Variants in METTL8 observed in about 807,000 individuals in gnomAD.
The protein encoded by METTL8 is methyltransferase 8, tRNA N3-cytidine, also known as tRNA N(3)-cytidine methyltransferase METTL8, mitochondrial.
A neutral mutation model predicts 48.7 loss-of-function variants in METTL8; 32 were observed. The observed-to-expected ratio is 0.66, with a 90% CI of 0.50 to 0.88. The LOEUF (loss-of-function observed/expected upper bound fraction) is 0.88. METTL8 is among the 40% of genes least tolerant of loss of function. METTL8 has a pLI of 0.00. For missense variants in METTL8, 464 were observed against 474.4 expected, an observed-to-expected ratio of 0.98 and a Z score of 0.20; for synonymous variants, 136 against 157.1, an observed-to-expected ratio of 0.87 and a Z score of 1.01.
At chr2:171,387,350 A>T (rs1049803419) in intron 2 of METTL8, among the ~76,000 whole-genome samples, 1 of 151,924 alleles carries the variant, frequency 6.6e-6, no homozygotes, top group Non-Finnish European at 1.5e-5. Flanking sequence ...CCACACCCCC[A>T]TCGCACATCC....
chr2:171,369,859 A>C (rs561813598), intron 2 of METTL8, among the ~76,000 whole-genome samples: 3 of 152,290 alleles, frequency 2.0e-5, no homozygotes, highest in East Asian at 1.9e-4. Context: ...TGAGGTCAGG[A>C]GTTCAAGACC....
rs139450512 is a variant in METTL8 at position 171,360,528 on chromosome 2, T to C, written c.144-15A>G. 7 of 1,599,032 alleles carry C rather than the reference T, an allele frequency of 4.4e-6. No individual in the cohort carries two copies. The African/African-American group carries it at 6.7e-5, about 15-fold the overall frequency. The stretch of plus-strand genomic sequence containing the variant: ...GCATGTGATCCCTATTAAAAAAAAA[T>C]AGACTGTAAAATATGCTTTATCATT... On this transcript the variant is annotated splice_polypyrimidine_tract_variant and intron_variant, in intron 2 of 9. Coordinates refer to ENST00000375258, the MANE Select transcript of METTL8 (RefSeq NM_001321154.2).
Position 171,378,460 on chromosome 2 carries a change from C to T in METTL8, c.143+13583G>A, listed in dbSNP as rs565571665. Among the ~76,000 whole-genome samples the T allele has an allele frequency of 7.9e-5, 12 of 152,020 alleles. No homozygotes were observed. The East Asian group carries it at 2.3e-3, about 29-fold the overall frequency. On this transcript the variant is annotated intron_variant, in intron 2 of 9. Transcript: ENST00000375258. ...CAGCCTGGCCAACATAGTGAAACCC[C>T]ATCTCTACTAAAAATACAAAAATTA...
At chr2:171,406,886 G>A (rs1459102672) in intron 1 of METTL8, among the ~76,000 whole-genome samples, 2 of 150,486 alleles carry the variant, frequency 1.3e-5, no homozygotes, top group African/African-American at 2.4e-5. Context: ...TTCAGTTATC[G>A]AGCCAATACA....
At chr2:171,431,965 C>G (rs767740361) in intron 1 of METTL8, among the ~76,000 whole-genome samples, 2 of 152,230 alleles carry the variant, frequency 1.3e-5, no homozygotes, top group Non-Finnish European at 2.9e-5. Context: ...GGTCCAGCCG[C>G]AAGCGGTGCA....
At chr2:171,381,793 T>C (rs1013933349) in intron 2 of METTL8, among the ~76,000 whole-genome samples, 17 of 150,306 alleles carry the variant, frequency 1.1e-4, no homozygotes, top group African/African-American at 4.2e-4. Flanking sequence ...TTTTTTTTTT[T>C]TTTTTTTGAC....
intron 1 of METTL8, among the ~76,000 whole-genome samples, chr2:171,395,495 C>T (rs985591050): frequency 6.6e-6 from 1 of 151,802 alleles, no homozygotes; most frequent in Non-Finnish European, 1.5e-5. Context: ...AATAGATTAA[C>T]GTAAAAAAAG....
intron 2 of METTL8, among the ~76,000 whole-genome samples, chr2:171,386,696 T>C (rs1688085270): frequency 1.3e-5 from 2 of 152,062 alleles, no homozygotes; most frequent in African/African-American, 4.8e-5. Flanking sequence ...AAGCGCTACT[T>C]AGAGGAGGAC....
chr2:171,381,198 G>A (rs185988485), intron 2 of METTL8, among the ~76,000 whole-genome samples: 7 of 152,290 alleles, frequency 4.6e-5, no homozygotes, highest in African/African-American at 1.7e-4. Context: ...AAACTGGCTA[G>A]CCATATGCAG....
chr2:171,337,068 T>C (rs1386289062), intron 5 of METTL8, among the ~76,000 whole-genome samples: 1 of 151,940 alleles, frequency 6.6e-6, no homozygotes, highest in Non-Finnish European at 1.5e-5. Flanking sequence ...TGTTTCACCA[T>C]GTTGGTCAGG....
upstream of METTL8, chr2:171,434,027 C>T (rs1013351753): frequency 7.2e-6 from 2 of 279,028 alleles, no homozygotes; most frequent in Admixed American, 5.0e-5. Flanking sequence ...AAGTGCAGGG[C>T]GCACACACGG....
At chr2:171,419,614 G>A (rs188202582) in intron 1 of METTL8, among the ~76,000 whole-genome samples, 4 of 152,168 alleles carry the variant, frequency 2.6e-5, no homozygotes, top group Admixed American at 1.3e-4. Flanking sequence ...TTAGTCTTAC[G>A]GTCTCATTTC....
intron 7 of METTL8, among the ~76,000 whole-genome samples, chr2:171,328,702 A>AT (rs1425868338): frequency 6.6e-6 from 1 of 151,902 alleles, no homozygotes. Flanking sequence ...TCATTTATTT[A>AT]TTTTTTTGAG....
Position 171,324,200 on chromosome 2 carries a change from A to C in METTL8, c.1196T>G (p.Met399Arg), listed in dbSNP as rs1224536791. The change falls in exon 10 of 10, where the codon ATG becomes AGG. Residue 399 changes from methionine to arginine, a missense_variant. By Grantham distance (91) the Met-to-Arg change is moderately conservative. Transcript: ENST00000375258. The part of the protein sequence containing the change: ...PLHQTQNSSN[M>R]VSTLLSQD ...GTCTTGTGAAAGGAGTGTAGATACC[A>C]TATTGGAGCTATTCTGAGTCTGGTG... 2 of 1,549,432 alleles carry C rather than the reference A, an allele frequency of 1.3e-6. No homozygotes were observed. The highest frequency in any genetic ancestry group is 1.7e-6 in the Non-Finnish European group (2 of 1,146,612).
rs2160699 is a variant in METTL8, at chr2:171,317,640, A to G, written c.*6532T>C. ...TTAACGTGTATTTATTCATTCAGCT[A>G]ACTCTAGCTGTTCCTTACTTAAGGT... On this transcript the variant is annotated 3_prime_UTR_variant, in exon 10 of 10. Transcript: ENST00000375258. 0.78 allele frequency: 118,340 copies of G among 151,688 alleles called. 46,333 individuals are homozygous for G. Among genetic ancestry groups the G allele is most frequent in the East Asian group, 1 (5,162 of 5,170 alleles). 9.4% of individuals were successfully genotyped at this position (151,688 alleles called of 1,614,324 possible).
chr2:171,354,846 A>G (rs1382840983), intron 3 of METTL8, among the ~76,000 whole-genome samples: 2 of 149,468 alleles, frequency 1.3e-5, no homozygotes, highest in Non-Finnish European at 3.0e-5. Flanking sequence ...TGTTTATTCT[A>G]GTTAGCCATT....
chr2:171,378,350 A>G (rs1427205694), intron 2 of METTL8, among the ~76,000 whole-genome samples: 1 of 152,188 alleles, frequency 6.6e-6, no homozygotes, highest in East Asian at 1.9e-4. Context: ...AGGGCATTAC[A>G]TGGCTGGATG....
At chr2:171,329,545 T>G (rs138337711) in intron 7 of METTL8, among the ~76,000 whole-genome samples, 4 of 152,348 alleles carry the variant, frequency 2.6e-5, no homozygotes, top group Non-Finnish European at 5.9e-5. Context: ...AGAAATAGGT[T>G]ATAGAAACTG....
chr2:171,398,228 G>A (rs919434697), intron 1 of METTL8, among the ~76,000 whole-genome samples: 2 of 152,082 alleles, frequency 1.3e-5, no homozygotes, highest in African/African-American at 4.8e-5. Flanking sequence ...ATAGACAAAA[G>A]GTAGAAGCAA....
Sources: gnomAD v4.1 joint callset for allele counts (sites outside exome capture counted in the v4.1 genomes callset) on GRCh38, gnomAD v4.1.1 for gene constraint, MANE v1.5 for transcripts, NCBI Gene and HGNC (gene_info 2026-07-23, HGNC 2026-07-21) for gene names.